The following MAP4K3 variants were observed in gnomAD, a reference collection of about 807,000 sequenced individuals.
MAP4K3 encodes the protein MAPK/ERK kinase kinase kinase 3.
MAP4K3 carries 94 observed loss-of-function variants against 143.5 expected under a neutral mutation model. The observed-to-expected ratio is 0.65, with a 90% CI of 0.55 to 0.78. MAP4K3 has a LOEUF of 0.78. Among genes scored for constraint, MAP4K3 ranks in the 30% least tolerant of loss-of-function variants. MAP4K3 has a pLI of 0.00. For missense variants in MAP4K3, 1,077 were observed against 1,068.1 expected (o/e 1.01, Z -0.12); for synonymous variants, 416 against 347.2 (o/e 1.20, Z -2.20).
At chr2:39,323,219 A>T (rs1222277828) in intron 12 of MAP4K3, 1 of 152,222 alleles carries the variant, frequency 6.6e-6, no homozygotes, top group Non-Finnish European at 1.5e-5. Flanking sequence ...CTTACCATAG[A>T]GATTTGTAAC....
chr2:39,301,660 A>G (rs1409318156), intron 15 of MAP4K3, among the ~76,000 whole-genome samples: 2 of 152,220 alleles, frequency 1.3e-5, no homozygotes, highest in African/African-American at 4.8e-5. Flanking sequence ...CTGATATAAG[A>G]CAAGTAAAAG....
At position 39,251,894 on chromosome 2, in the gene MAP4K3, T is replaced by C; in HGVS notation, c.2542-9A>G. On this transcript the variant is annotated splice_polypyrimidine_tract_variant and intron_variant, in intron 32 of 33. Coordinates refer to ENST00000263881, the MANE Select transcript of MAP4K3 (RefSeq NM_003618.4). ...GAAATTTCTTGTGTTACCTGTTCAA[T>C]TAAAACACAAATTTAATTTCTGAAA... 6.2e-7 allele frequency: 1 copy of C among 1,606,714 alleles called. No individual in the cohort carries two copies. The highest frequency in any genetic ancestry group is 1.7e-5 in the Admixed American group (1 of 59,866).
At position 39,425,996 on chromosome 2, in the gene MAP4K3, T is replaced by C. The variant is rs117450608; in HGVS notation, c.96+10896A>G. 5.2e-4 allele frequency among the ~76,000 whole-genome samples: 79 copies of C among 152,300 alleles called. No individual in the cohort carries two copies. In the East Asian group the frequency reaches 0.014, roughly 27 times the overall value. On this transcript the variant is annotated intron_variant, in intron 1 of 33. Coordinates refer to ENST00000263881, the MANE Select transcript of MAP4K3 (RefSeq NM_003618.4). ...AGGTTTGATGAGGAACAAAATATTA[T>C]ATAGTCTCAAAGTATCTCCCCATAA...
chr2:39,366,050 G>C (rs1388663291), intron 2 of MAP4K3, among the ~76,000 whole-genome samples: 1 of 152,136 alleles, frequency 6.6e-6, no homozygotes, highest in Non-Finnish European at 1.5e-5. Context: ...TTCGTGAAAG[G>C]AGTCAAACTC....
At chr2:39,324,978 A>G (rs553519685) in intron 12 of MAP4K3, among the ~76,000 whole-genome samples, 1 of 152,312 alleles carries the variant, frequency 6.6e-6, no homozygotes, top group South Asian at 2.1e-4. Context: ...GAAGTATTAT[A>G]TAAGAATTTT....
intron 29 of MAP4K3, among the ~76,000 whole-genome samples, chr2:39,258,828 G>A (rs925041314): frequency 3.9e-5 from 6 of 152,176 alleles, no homozygotes; most frequent in Admixed American, 3.3e-4. Context: ...GGAACACATG[G>A]ATACAGAATG....
In MAP4K3 at chr2:39,437,054, G is replaced by A. The variant is rs1030832708; in HGVS notation, c.-67C>T. 20 of 1,232,592 alleles carry A rather than the reference G, an allele frequency of 1.6e-5. No individual in the cohort carries two copies. In the African/African-American group the frequency reaches 1.8e-4, roughly 11 times the overall value. 76.4% of individuals were successfully genotyped at this position (1,232,592 alleles called of 1,614,324 possible). A position where few individuals can be genotyped will look rare whatever the true frequency, so the allele number is the denominator to read the frequency against. ...AGGGGGGCCGCTCAGGGGGCCACAC[G>A]GAGAGAGGGCGCCGCGGCCGGCTCC... is the stretch of plus-strand genomic sequence containing the variant. On this transcript the variant is annotated 5_prime_UTR_variant, in exon 1 of 34. Coordinates refer to ENST00000263881, the MANE Select transcript of MAP4K3 (RefSeq NM_003618.4).
intron 12 of MAP4K3, among the ~76,000 whole-genome samples, chr2:39,319,348 TAC>T (rs1296355740): frequency 6.6e-6 from 1 of 152,154 alleles, no homozygotes; most frequent in Non-Finnish European, 1.5e-5. Context: ...TCATTCCACG[TAC>T]AGTTTATCCT....
chr2:39,283,446 C>A (rs181443704), intron 21 of MAP4K3, among the ~76,000 whole-genome samples: 161 of 152,146 alleles, frequency 1.1e-3, no homozygotes, highest in Non-Finnish European at 1.6e-3. Context: ...TTTGTGAATT[C>A]TTTTCCCATT....
chr2:39,272,261 G>T (rs745949033), intron 26 of MAP4K3, 22 bp downstream of exon 26: 4 of 1,475,806 alleles, frequency 2.7e-6, no homozygotes, highest in Non-Finnish European at 1.9e-6. Context: ...ATATCATATT[G>T]CCTCTAAGGA....
chr2:39,412,496 G>C (rs1667258726), intron 1 of MAP4K3, among the ~76,000 whole-genome samples: 2 of 151,802 alleles, frequency 1.3e-5, no homozygotes, highest in Admixed American at 6.6e-5. Flanking sequence ...TCCTAGGCAG[G>C]AGGAAAAGCA....
At chr2:39,318,822 C>A (rs1452542365) in intron 12 of MAP4K3, among the ~76,000 whole-genome samples, 1 of 151,994 alleles carries the variant, frequency 6.6e-6, no homozygotes, top group Non-Finnish European at 1.5e-5. Context: ...AATATAAATA[C>A]AAATAACAGG....
In MAP4K3 at chr2:39,291,308, C is replaced by T. The variant is rs146563714; in HGVS notation, c.1272-974G>A. ...TTTAAAAAGAAGTAATTGGGTAATA[C>T]ACTTTCTTGGTTCCAAGTACTATAT... On this transcript the variant is annotated intron_variant, in intron 18 of 33. Coordinates refer to ENST00000263881, the MANE Select transcript of MAP4K3 (RefSeq NM_003618.4). 6.4e-3 allele frequency among the ~76,000 whole-genome samples: 973 copies of T among 152,204 alleles called. 10 individuals are homozygous for T. The highest frequency in any genetic ancestry group is 0.022 in the African/African-American group (932 of 41,542).
rs192330904 is a variant in MAP4K3, at chr2:39,249,710, T to C, written c.*908A>G. The C allele has an allele frequency of 1.3e-5, 2 of 152,760 alleles. No homozygotes were observed. The highest frequency in any genetic ancestry group is 4.8e-5 in the African/African-American group (2 of 41,590). The allele number at this position is 152,760 out of a possible 1,614,324, so 9.5% of individuals were successfully genotyped here. On this transcript the variant is annotated 3_prime_UTR_variant, in exon 34 of 34. Transcript: ENST00000263881. ...ATGTTACAGTTCTTCAGTGTGATCATATGAAATGTTTAGTGAGGACTCTTT... is the reference window on the plus strand; with the variant it reads ...ATGTTACAGTTCTTCAGTGTGATCACATGAAATGTTTAGTGAGGACTCTTT...
At chr2:39,291,519 T>C (rs1383927260) in intron 18 of MAP4K3, among the ~76,000 whole-genome samples, 1 of 152,210 alleles carries the variant, frequency 6.6e-6, no homozygotes, top group Non-Finnish European at 1.5e-5. Context: ...TCAAAAACTA[T>C]ATATATGCTT....
In MAP4K3 at chr2:39,292,898, T is replaced by C. The variant is rs1271453151; in HGVS notation, c.1218-72A>G. The stretch of plus-strand genomic sequence containing the variant: ...AACAGTAAGAAGAAATTTTAGAAAA[T>C]GCAGGAAAAGCTACTGTAAGATAAA... On this transcript the variant is annotated intron_variant, in intron 17 of 33. Transcript: ENST00000263881. 5.4e-6 allele frequency: 7 copies of C among 1,290,610 alleles called. No individual in the cohort carries two copies. In the African/African-American group the frequency reaches 1.0e-4, roughly 19 times the overall value. The allele number at this position is 1,290,610 out of a possible 1,614,324, so 79.9% of individuals were successfully genotyped here.
intron 26 of MAP4K3, among the ~76,000 whole-genome samples, chr2:39,270,750 C>T (rs1680982740): frequency 6.6e-6 from 1 of 151,982 alleles, no homozygotes; most frequent in Non-Finnish European, 1.5e-5. Flanking sequence ...GGCTCTTTAT[C>T]ATCAGATTAA....
chr2:39,301,280 C>G (rs1293625682), intron 15 of MAP4K3, among the ~76,000 whole-genome samples: 2 of 152,178 alleles, frequency 1.3e-5, no homozygotes, highest in African/African-American at 4.8e-5. Flanking sequence ...GACTAGTTGA[C>G]TGTCACACTG....
intron 1 of MAP4K3, among the ~76,000 whole-genome samples, chr2:39,408,135 A>C (rs1393385833): frequency 6.6e-6 from 1 of 152,218 alleles, no homozygotes; most frequent in Non-Finnish European, 1.5e-5. Context: ...AACAAAAAGC[A>C]AAAAATAAAA....
Sources: gnomAD v4.1 joint callset for allele counts (sites outside exome capture counted in the v4.1 genomes callset) on GRCh38, gnomAD v4.1.1 for gene constraint, MANE v1.5 for transcripts, NCBI Gene and HGNC (gene_info 2026-07-23, HGNC 2026-07-21) for gene names.